Variants in CPNE9 observed in about 807,000 individuals in gnomAD.
CPNE9 encodes the protein copine-9.
CPNE9 carries 59 observed loss-of-function variants against 83.0 expected under a neutral mutation model. That is an observed-to-expected ratio of 0.71 (90% CI 0.58 to 0.88). The LOEUF is 0.88. Ranked by LOEUF, CPNE9 falls within the 40% of genes least tolerant of loss-of-function variation. CPNE9 has a pLI of 0.00. For missense variants in CPNE9, 619 were observed against 720.8 expected, an observed-to-expected ratio of 0.86 and a Z score of 1.62; for synonymous variants, 256 against 273.4, an observed-to-expected ratio of 0.94 and a Z score of 0.63.
intron 7 of CPNE9, among the ~76,000 whole-genome samples, chr3:9,708,199 G>T (rs2076583088): frequency 6.6e-6 from 1 of 152,222 alleles, no homozygotes. Context: ...TAGTCCTCCT[G>T]CCTTGGCCTC....
At chr3:9,728,145 G>T (rs2076800150) in intron 20 of CPNE9, among the ~76,000 whole-genome samples, 3 of 152,312 alleles carry the variant, frequency 2.0e-5, no homozygotes, top group Non-Finnish European at 4.4e-5. Context: ...ACAATTGAAT[G>T]GAGTGGTAAT....
chr3:9,718,461 A>T lies in CPNE9; in HGVS notation c.1114-14A>T. 6.2e-7 allele frequency: 1 copy of T among 1,610,772 alleles called. No individual in the cohort carries two copies. Among genetic ancestry groups the T allele is most frequent in the Non-Finnish European group, 8.5e-7 (1 of 1,178,206 alleles). On this transcript the variant is annotated splice_polypyrimidine_tract_variant and intron_variant, in intron 16 of 20. Coordinates refer to ENST00000383832, the MANE Select transcript of CPNE9 (RefSeq NM_153635.3). Reference sequence around the variant, plus strand: ...CTGCATGGGCTCAGCCTGGCAGGGCATATTCTTTGACAGAACAACAATGAT... The same window carrying T: ...CTGCATGGGCTCAGCCTGGCAGGGCTTATTCTTTGACAGAACAACAATGAT...
chr3:9,727,382 G>A, intron 20 of CPNE9, 196 bp downstream of exon 20: 1 of 734,772 alleles, frequency 1.4e-6, no homozygotes, highest in Non-Finnish European at 2.5e-6. Flanking sequence ...CCGTGGTGTA[G>A]GTCGGGAGGT....
intron 7 of CPNE9, among the ~76,000 whole-genome samples, chr3:9,708,903 G>A (rs960553304): frequency 2.7e-4 from 41 of 151,646 alleles, no homozygotes; most frequent in Non-Finnish European, 1.0e-4. Flanking sequence ...CAAAGTACTG[G>A]GATTACAGGC....
intron 17 of CPNE9, among the ~76,000 whole-genome samples, chr3:9,720,885 C>G (rs2076727831): frequency 1.3e-5 from 2 of 152,206 alleles, no homozygotes; most frequent in South Asian, 4.1e-4. Flanking sequence ...CACTCACTAG[C>G]TGTGGCTTTG....
At chr3:9,715,064 G>C in intron 11 of CPNE9, 109 bp downstream of exon 11, 1 of 1,074,696 alleles carries the variant, frequency 9.3e-7, no homozygotes, top group Non-Finnish European at 1.4e-6. Context: ...GCCAGGAAAG[G>C]TGATGATAAA....
In CPNE9 at chr3:9,712,521, G is replaced by C. The variant is rs1489126457; in HGVS notation, c.378-20G>C. 1 of 1,611,788 alleles carries C rather than the reference G, an allele frequency of 6.2e-7. No individual in the cohort carries two copies. Among genetic ancestry groups the C allele is most frequent in the Non-Finnish European group, 8.5e-7 (1 of 1,177,894 alleles). On this transcript the variant is annotated intron_variant, in intron 7 of 20. Transcript: ENST00000383832. ...TGCCTACCCTCCCTCCTCTCACTAA[G>C]AGGCTTTTTCTGCTTCCAGGGGTGT...
chr3:9,706,993 G>A lies in CPNE9; in HGVS notation c.377+930G>A, dbSNP rs145095177. ...TCCTCTGAAACGGGAGTCACTGGAGGGTTCTGAGCGGAGGAGTGACATGAC... is the reference window on the plus strand; with the variant it reads ...TCCTCTGAAACGGGAGTCACTGGAGAGTTCTGAGCGGAGGAGTGACATGAC... On this transcript the variant is annotated intron_variant, in intron 7 of 20. Coordinates refer to ENST00000383832, the MANE Select transcript of CPNE9 (RefSeq NM_153635.3). Among the ~76,000 whole-genome samples, 1,354 of 152,220 alleles carry A rather than the reference G, an allele frequency of 8.9e-3. 8 individuals carry two copies. The highest frequency in any genetic ancestry group is 0.015 in the Non-Finnish European group (1,013 of 68,000).
chr3:9,727,386 G>A (rs891953474), intron 20 of CPNE9, 200 bp downstream of exon 20: 7 of 726,842 alleles, frequency 9.6e-6, no homozygotes, highest in Admixed American at 2.0e-5. Flanking sequence ...GGTGTAGGTC[G>A]GGAGGTCCCC....
At position 9,718,228 on chromosome 3, in the gene CPNE9, G is replaced by A. The variant is rs115899441; in HGVS notation, c.1113+18G>A. On this transcript the variant is annotated intron_variant, in intron 16 of 20. Transcript: ENST00000383832. ...TCCCCCTGGTATGGTATTGGCCAGA[G>A]CTTACCCTCCGTGCCCTGGCATCTG... 458 of 1,588,844 alleles carry A rather than the reference G, an allele frequency of 2.9e-4. 2 individuals carry two copies. The African/African-American group carries it at 4.5e-3, about 16-fold the overall frequency.
At chr3:9,709,808 G>A (rs1000879334) in intron 7 of CPNE9, among the ~76,000 whole-genome samples, 2 of 151,786 alleles carry the variant, frequency 1.3e-5, no homozygotes, top group African/African-American at 2.4e-5. Context: ...TGGCCAACAT[G>A]GCGAAACTCT....
intron 10 of CPNE9, among the ~76,000 whole-genome samples, 175 bp from the exon 11 acceptor site, chr3:9,714,739 T>A (rs1320527978): frequency 1.3e-5 from 2 of 150,220 alleles, no homozygotes; most frequent in East Asian, 3.9e-4. Flanking sequence ...GGTGGTTGGG[T>A]ACAGGCACAG....
chr3:9,714,072 C>CAATAAATAAATAAATA (rs59251577), intron 10 of CPNE9, among the ~76,000 whole-genome samples: 1 of 148,894 alleles, frequency 6.7e-6, no homozygotes, highest in Non-Finnish European at 1.5e-5. Flanking sequence ...GACTCCGTCT[C>CAATAAATAAATAAATA]AATAAATAAA....
intron 17 of CPNE9, among the ~76,000 whole-genome samples, chr3:9,721,807 C>T (rs1053136218): frequency 6.6e-6 from 1 of 152,200 alleles, no homozygotes. Context: ...CAGCTTCAGG[C>T]TCAGCTGGTC....
At chr3:9,709,851 A>G (rs1431087147) in intron 7 of CPNE9, among the ~76,000 whole-genome samples, 1 of 151,774 alleles carries the variant, frequency 6.6e-6, no homozygotes, top group East Asian at 2.0e-4. Flanking sequence ...TTAACTGGGC[A>G]TGGTGGAGCG....
chr3:9,725,633 T>C (rs1486549456), intron 17 of CPNE9, among the ~76,000 whole-genome samples: 3 of 137,036 alleles, frequency 2.2e-5, no homozygotes, highest in African/African-American at 8.9e-5. Flanking sequence ...TATATATGTA[T>C]ATACATGTAT....
intron 7 of CPNE9, among the ~76,000 whole-genome samples, chr3:9,706,791 G>T (rs1310715526): frequency 6.6e-6 from 1 of 152,228 alleles, no homozygotes; most frequent in Non-Finnish European, 1.5e-5. Context: ...CAACCTGAGG[G>T]AGGTAAGGTA....
intron 7 of CPNE9, among the ~76,000 whole-genome samples, chr3:9,710,767 G>A (rs1295100198): frequency 2.4e-4 from 36 of 152,206 alleles, no homozygotes; most frequent in Admixed American, 2.0e-3. Flanking sequence ...GCTCACGCCT[G>A]TAATCAAAGC....
At chr3:9,722,602 C>G (rs2076744691) in intron 17 of CPNE9, among the ~76,000 whole-genome samples, 1 of 152,052 alleles carries the variant, frequency 6.6e-6, no homozygotes, top group Non-Finnish European at 1.5e-5. Context: ...CTTTGAACTC[C>G]TGGGCTCAAG....
Sources: gnomAD v4.1 joint callset for allele counts (sites outside exome capture counted in the v4.1 genomes callset) on GRCh38, gnomAD v4.1.1 for gene constraint, MANE v1.5 for transcripts, NCBI Gene and HGNC (gene_info 2026-07-23, HGNC 2026-07-21) for gene names.